Variants in KCNT2 observed in about 807,000 individuals in gnomAD.
KCNT2 encodes potassium channel subfamily T member 2.
KCNT2 carries 67 observed loss-of-function variants against 153.8 expected under a neutral mutation model. The ratio of observed to expected loss-of-function variants is 0.44; its 90% CI spans 0.36 to 0.53. The LOEUF is 0.53. KCNT2 is among the 20% of genes least tolerant of loss of function. The pLI is 0.00. For missense variants in KCNT2, 975 were observed against 1,354.8 expected (o/e 0.72, Z 4.40); for synonymous variants, 500 against 458.8 (o/e 1.09, Z -1.15).
At chr1:196,304,427 C>T (rs1458190020) in intron 22 of KCNT2, among the ~76,000 whole-genome samples, 1 of 152,096 alleles carries the variant, frequency 6.6e-6, no homozygotes, top group Non-Finnish European at 1.5e-5. Flanking sequence ...GATCATAGCT[C>T]ACTGCAGCGT....
chr1:196,498,707 G>A (rs755957142), intron 1 of KCNT2, among the ~76,000 whole-genome samples: 1 of 152,124 alleles, frequency 6.6e-6, no homozygotes, highest in Non-Finnish European at 1.5e-5. Context: ...CTAGATTGTG[G>A]CATCCTGCTA....
chr1:196,348,096 T>C (rs1360390313), intron 14 of KCNT2, among the ~76,000 whole-genome samples: 1 of 152,098 alleles, frequency 6.6e-6, no homozygotes, highest in Admixed American at 6.6e-5. Context: ...TTCTTCATGC[T>C]CAATTACTAA....
At chr1:196,287,003 A>G (rs1226558983) in intron 22 of KCNT2, among the ~76,000 whole-genome samples, 3 of 152,088 alleles carry the variant, frequency 2.0e-5, no homozygotes, top group Non-Finnish European at 4.4e-5. Context: ...TTTCTAATGT[A>G]ATAAATGTGT....
At chr1:196,353,997 C>T (rs1461536664) in intron 14 of KCNT2, among the ~76,000 whole-genome samples, 1 of 151,870 alleles carries the variant, frequency 6.6e-6, no homozygotes, top group Admixed American at 6.6e-5. Flanking sequence ...AAAGTAGTCC[C>T]ACTTTAATAA....
Position 196,586,876 on chromosome 1 carries a change from G to T in KCNT2, c.95+21339C>A, listed in dbSNP as rs528039565. 2.6e-4 allele frequency among the ~76,000 whole-genome samples: 40 copies of T among 152,110 alleles called. 1 individual carries two copies. The South Asian group carries it at 7.1e-3, about 27-fold the overall frequency. ...ATAATAATCACAATATTTAATAAGTGCTAATAGGAGAACAGAACTCTTGCT... is the reference window on the plus strand; with the variant it reads ...ATAATAATCACAATATTTAATAAGTTCTAATAGGAGAACAGAACTCTTGCT... On this transcript the variant is annotated intron_variant, in intron 1 of 27. Coordinates refer to ENST00000294725, the MANE Select transcript of KCNT2 (RefSeq NM_198503.5).
At chr1:196,345,874 A>G (rs1253453157) in intron 14 of KCNT2, among the ~76,000 whole-genome samples, 2 of 152,198 alleles carry the variant, frequency 1.3e-5, no homozygotes, top group Non-Finnish European at 2.9e-5. Context: ...TGCAAGTCCC[A>G]GTGCTTACAA....
At chr1:196,354,753 T>G (rs948172353) in intron 14 of KCNT2, among the ~76,000 whole-genome samples, 1 of 151,770 alleles carries the variant, frequency 6.6e-6, no homozygotes, top group African/African-American at 2.4e-5. Flanking sequence ...TAAATCTAAT[T>G]AAAATTAATG....
At chr1:196,595,395 C>A (rs1196299559) in intron 1 of KCNT2, among the ~76,000 whole-genome samples, 2 of 151,936 alleles carry the variant, frequency 1.3e-5, no homozygotes, top group East Asian at 3.9e-4. Flanking sequence ...ACTTAGCAAC[C>A]AGAAGTTGGC....
chr1:196,555,775 G>GC (rs1658564752), intron 1 of KCNT2, among the ~76,000 whole-genome samples: 1 of 151,314 alleles, frequency 6.6e-6, no homozygotes, highest in Admixed American at 6.6e-5. Flanking sequence ...AACCAAAACA[G>GC]CATGGTAGGT....
At chr1:196,445,998 A>G (rs1675656031) in intron 8 of KCNT2, among the ~76,000 whole-genome samples, 1 of 151,460 alleles carries the variant, frequency 6.6e-6, no homozygotes, top group African/African-American at 2.4e-5. Flanking sequence ...CACATTCTAA[A>G]CTAAAGAAAG....
rs906164312 is a variant in KCNT2 at position 196,227,554 on chromosome 1, G to C, written c.*670C>G. The C allele has an allele frequency of 2.0e-5, 3 of 152,162 alleles. No homozygotes were observed. Among genetic ancestry groups the C allele is most frequent in the African/African-American group, 7.2e-5 (3 of 41,434 alleles). 9.4% of individuals were successfully genotyped at this position (152,162 alleles called of 1,614,324 possible). A position where few individuals can be genotyped will look rare whatever the true frequency, so the allele number is the denominator to read the frequency against. ...TTGCTAGACATAAAGTTACCAAAAA[G>C]TGCAGGAACCTAGTGTTTCTTTTCA... On this transcript the variant is annotated 3_prime_UTR_variant, in exon 28 of 28. Coordinates refer to ENST00000294725, the MANE Select transcript of KCNT2 (RefSeq NM_198503.5).
intron 1 of KCNT2, among the ~76,000 whole-genome samples, chr1:196,560,524 T>C (rs775875991): frequency 1.3e-5 from 2 of 151,914 alleles, no homozygotes; most frequent in African/African-American, 2.4e-5. Flanking sequence ...GTCAGCTTTA[T>C]GATCCATTAA....
intron 1 of KCNT2, among the ~76,000 whole-genome samples, chr1:196,495,867 C>T (rs543377460): frequency 6.6e-6 from 1 of 152,176 alleles, no homozygotes; most frequent in South Asian, 2.1e-4. Flanking sequence ...GAAATATGTT[C>T]TTGCTATTTA....
chr1:196,429,698 A>C lies in KCNT2; in HGVS notation c.698T>G (p.Leu233Arg). 6.2e-7 allele frequency: 1 copy of C among 1,612,312 alleles called. No individual in the cohort carries two copies. Among genetic ancestry groups the C allele is most frequent in the Non-Finnish European group, 8.5e-7 (1 of 1,179,152 alleles). ...IGKKLNLFDS[L>R]YFCIVTFSTV... ...AGAAAACGTCACAATGCAGAAATAA[A>C]GGGAGTCAAAGAGATTCAGCTTCTT... Residue 233 changes from leucine to arginine, a missense_variant, in exon 9 of 28, where the codon CTT (leucine) becomes CGT (arginine). Physicochemically the swap from Leu to Arg is moderately radical, Grantham distance 102. Transcript: ENST00000294725.
At chr1:196,533,054 C>A (rs186353521) in intron 1 of KCNT2, among the ~76,000 whole-genome samples, 1 of 152,072 alleles carries the variant, frequency 6.6e-6, no homozygotes, top group Non-Finnish European at 1.5e-5. Flanking sequence ...TAATTTTACT[C>A]ATTTTGTGGG....
intron 25 of KCNT2, among the ~76,000 whole-genome samples, chr1:196,259,008 T>C (rs1656766393): frequency 6.6e-6 from 1 of 152,176 alleles, no homozygotes; most frequent in Non-Finnish European, 1.5e-5. Context: ...AATATGTGAA[T>C]TTTTAAAATT....
At position 196,489,937 on chromosome 1, in the gene KCNT2, C is replaced by A; in HGVS notation, c.176G>T (p.Ser59Ile). The change falls in exon 3 of 28, where the codon AGT (serine) becomes ATT (isoleucine). Residue 59 changes from serine (S) to isoleucine (I), a missense_variant and splice_region_variant. Around this residue, in one of 6 missense-constraint regions of KCNT2, gnomAD observed 140 missense variants for 216.0 expected, o/e 0.65. Coordinates refer to ENST00000294725, the MANE Select transcript of KCNT2 (RefSeq NM_198503.5). ...KLFFIKNQRS[S>I]LRIRLFNFSL... is the part of the protein sequence containing the mutation. ...AAAATTGAACAGGCGTATCCTTAGA[C>A]CTTTAAACAAATGATAAAAGTTTGA... 7.0e-7 allele frequency: 1 copy of A among 1,427,952 alleles called. No homozygotes were observed. The highest frequency in any genetic ancestry group is 9.5e-7 in the Non-Finnish European group (1 of 1,052,280). The allele number at this position is 1,427,952 out of a possible 1,614,324, so 88.5% of individuals were successfully genotyped here. A position where few individuals can be genotyped will look rare whatever the true frequency, so the allele number is the denominator to read the frequency against.
chr1:196,565,931 G>A (rs1660052938), intron 1 of KCNT2, among the ~76,000 whole-genome samples: 1 of 151,682 alleles, frequency 6.6e-6, no homozygotes, highest in Non-Finnish European at 1.5e-5. Context: ...TAATAACAAT[G>A]TATTATATTC....
intron 13 of KCNT2, among the ~76,000 whole-genome samples, chr1:196,375,076 A>G (rs990383059): frequency 9.2e-5 from 14 of 151,820 alleles, no homozygotes; most frequent in African/African-American, 3.4e-4. Flanking sequence ...TTCCTTCAAT[A>G]GTTAAAAAAG....
Sources: allele counts gnomAD v4.1 joint callset (sites outside exome capture counted in the v4.1 genomes callset), GRCh38; gene constraint gnomAD v4.1.1; regional missense constraint gnomAD v4.1.1; transcripts MANE v1.5; gene names NCBI Gene and HGNC (gene_info 2026-07-23, HGNC 2026-07-21).